The following BCAS4 variants were observed in gnomAD, a reference collection of about 807,000 sequenced individuals.
BCAS4 encodes breast carcinoma-amplified sequence 4.
Under a neutral mutation model 15.7 loss-of-function variants are expected in BCAS4, and 9 were observed. That is an observed-to-expected ratio of 0.57 (90% CI 0.34 to 1.00). BCAS4 has a LOEUF of 1.00. Among genes scored for constraint, BCAS4 ranks in the 50% least tolerant of loss-of-function variants. The probability of loss-of-function intolerance (pLI) is 0.02; values close to 1 mark genes in which losing one functional copy is unlikely to be tolerated. For synonymous variants in BCAS4, 101 were observed against 99.5 expected, an observed-to-expected ratio of 1.02 and a Z score of -0.09; for missense variants, 225 against 239.1, an observed-to-expected ratio of 0.94 and a Z score of 0.39.
chr20:50,795,227 G>T, intron 1 of BCAS4, 54 bp downstream of exon 1: 1 of 1,295,098 alleles, frequency 7.7e-7, no homozygotes, highest in South Asian at 2.2e-5. Flanking sequence ...TTAGGGGTCC[G>T]GGCTCCGGAC....
chr20:50,813,956 C>A (rs1251016635), intron 1 of BCAS4, among the ~76,000 whole-genome samples: 1 of 152,072 alleles, frequency 6.6e-6, no homozygotes, highest in African/African-American at 2.4e-5. Context: ...TTGCGAAGAA[C>A]AGCGAGGGCA....
chr20:50,803,997 T>A (rs115804591), intron 1 of BCAS4, among the ~76,000 whole-genome samples: 2,952 of 152,152 alleles, frequency 0.019, 100 homozygotes, highest in African/African-American at 0.068. Context: ...AAAATGAATT[T>A]TAGGGAGGAT....
intron 4 of BCAS4, among the ~76,000 whole-genome samples, chr20:50,868,722 T>C (rs1979482375): frequency 6.6e-6 from 1 of 152,204 alleles, no homozygotes; most frequent in Non-Finnish European, 1.5e-5. Context: ...AGCCTGATCC[T>C]TTCATTTCAT....
chr20:50,840,686 C>T (rs2088467710), intron 3 of BCAS4: 6 of 1,613,242 alleles, frequency 3.7e-6, no homozygotes, highest in Non-Finnish European at 4.2e-6. Flanking sequence ...TCTTGCGTCT[C>T]TGTCTTCTTC....
downstream of BCAS4, chr20:50,880,414 T>G (rs1288707873): frequency 1.3e-5 from 2 of 152,238 alleles, no homozygotes; most frequent in Non-Finnish European, 2.9e-5. Context: ...AATGATGTCC[T>G]CGGTTGCTGA....
intron 3 of BCAS4, chr20:50,841,028 C>T (rs971940938): frequency 8.1e-6 from 3 of 371,692 alleles, no homozygotes; most frequent in African/African-American, 6.3e-5. Context: ...CGCAGTTTCA[C>T]CATGTTGGCC....
chr20:50,863,470 C>T (rs1017587732), intron 4 of BCAS4, among the ~76,000 whole-genome samples: 3 of 151,958 alleles, frequency 2.0e-5, no homozygotes, highest in Non-Finnish European at 4.4e-5. Context: ...GTTGGCCAGG[C>T]TGGTCTTGAA....
chr20:50,812,335 G>T (rs374961078), intron 1 of BCAS4, among the ~76,000 whole-genome samples: 2 of 151,452 alleles, frequency 1.3e-5, no homozygotes, highest in African/African-American at 2.4e-5. Flanking sequence ...GGGTTTCACC[G>T]TGTTAGCCAG....
At chr20:50,822,557 C>T (rs547768649) in intron 2 of BCAS4, among the ~76,000 whole-genome samples, 1 of 151,490 alleles carries the variant, frequency 6.6e-6, no homozygotes, top group Non-Finnish European at 1.5e-5. Context: ...TGTAGAGCAA[C>T]GAAGCTCTCA....
intron 1 of BCAS4, among the ~76,000 whole-genome samples, chr20:50,817,612 C>A (rs532267921): frequency 7.2e-5 from 11 of 152,240 alleles, no homozygotes; most frequent in Admixed American, 5.2e-4. Flanking sequence ...CAGGCACACG[C>A]CACCATGCCC....
At chr20:50,795,287 G>C (rs1266588373) in intron 1 of BCAS4, 114 bp downstream of exon 1, 16 of 1,003,188 alleles carry the variant, frequency 1.6e-5, no homozygotes, top group Non-Finnish European at 2.1e-5. Context: ...GGGGCCCGGG[G>C]ATTCCCCCCT....
chr20:50,831,456 C>T (rs2123792713), intron 3 of BCAS4, among the ~76,000 whole-genome samples: 1 of 152,242 alleles, frequency 6.6e-6, no homozygotes, highest in South Asian at 2.1e-4. Context: ...TGCTGCTCCT[C>T]AGAAGGGCGT....
At chr20:50,861,747 CT>C (rs1568683023) in intron 4 of BCAS4, among the ~76,000 whole-genome samples, 1 of 152,104 alleles carries the variant, frequency 6.6e-6, no homozygotes, top group Admixed American at 6.6e-5. Context: ...TTCCCTCCCC[CT>C]ATGTGGCTGC....
At chr20:50,816,151 G>C (rs2088134232) in intron 1 of BCAS4, among the ~76,000 whole-genome samples, 1 of 152,164 alleles carries the variant, frequency 6.6e-6, no homozygotes, top group Non-Finnish European at 1.5e-5. Flanking sequence ...TCAGCCTCCT[G>C]AGTAGCTGGG....
intron 1 of BCAS4, among the ~76,000 whole-genome samples, chr20:50,812,453 T>C (rs981224234): frequency 1.4e-5 from 2 of 140,986 alleles, no homozygotes; most frequent in Non-Finnish European, 3.1e-5. Context: ...TTTTTTTAAA[T>C]TGAGATAGAG....
At chr20:50,859,740 A>AG (rs888474138) in intron 4 of BCAS4, among the ~76,000 whole-genome samples, 1 of 152,068 alleles carries the variant, frequency 6.6e-6, no homozygotes, top group Non-Finnish European at 1.5e-5. Context: ...GCGCAGGTTG[A>AG]GGGGGGCAGG....
In BCAS4 at chr20:50,827,875, C is replaced by T. The variant is rs141326299; in HGVS notation, c.163-2404C>T. Among the ~76,000 whole-genome samples, 970 of 152,212 alleles carry T rather than the reference C, an allele frequency of 6.4e-3. 13 individuals are homozygous for T. Among genetic ancestry groups the T allele is most frequent in the African/African-American group, 0.022 (922 of 41,536 alleles). On this transcript the variant is annotated intron_variant, in intron 2 of 4. Coordinates refer to ENST00000371608, the MANE Select transcript of BCAS4 (RefSeq NM_198799.4). ...CCGAGTAGCTGGGACTACAGGCGCA[C>T]GCCACCATGCCCAGCTAACTTTTGT...
Position 50,876,539 on chromosome 20 carries a change from G to A in BCAS4, c.453G>A (p.Thr151=), listed in dbSNP as rs9808615. 5.2e-3 allele frequency: 8,419 copies of A among 1,613,990 alleles called. 381 individuals are homozygous for A. The African/African-American group carries it at 0.098, about 19-fold the overall frequency. Residue 151 remains threonine (T), a synonymous_variant, in exon 5 of 5, where the codon ACG becomes ACA. Transcript: ENST00000371608. ...VTYELPTLYR[T]EDYFPVDAGE... ...ACGAGCTGCCCACACTGTATAGGACGGAGGACTATTTTCCTGTGGACGCCG... is the reference window on the plus strand; with the variant it reads ...ACGAGCTGCCCACACTGTATAGGACAGAGGACTATTTTCCTGTGGACGCCG...
intron 1 of BCAS4, among the ~76,000 whole-genome samples, chr20:50,811,076 C>T (rs567434689): frequency 6.6e-6 from 1 of 152,100 alleles, no homozygotes; most frequent in Non-Finnish European, 1.5e-5. Context: ...TGCAAAGGCC[C>T]TGCGGTGAGG....
Sources: gnomAD v4.1 joint callset for allele counts (sites outside exome capture counted in the v4.1 genomes callset) on GRCh38, gnomAD v4.1.1 for gene constraint, MANE v1.5 for transcripts, NCBI Gene and HGNC (gene_info 2026-07-23, HGNC 2026-07-21) for gene names.